The following CNTNAP5 variants were observed in gnomAD, a reference collection of about 807,000 sequenced individuals.
CNTNAP5 encodes contactin associated protein family member 5.
CNTNAP5 carries 72 observed loss-of-function variants against 150.2 expected under a neutral mutation model. That is an observed-to-expected ratio of 0.48 (90% CI 0.40 to 0.58). The LOEUF is 0.58. Among genes scored for constraint, CNTNAP5 ranks in the 20% least tolerant of loss-of-function variants. The pLI, the probability that CNTNAP5 is intolerant of heterozygous loss-of-function variation, is 0.00. For synonymous variants in CNTNAP5, 672 were observed against 619.8 expected (o/e 1.08, Z -1.25); for missense variants, 1,636 against 1,626.2 (o/e 1.01, Z -0.10).
chr2:124,390,700 T>C (rs565757802), intron 3 of CNTNAP5, among the ~76,000 whole-genome samples: 2 of 152,330 alleles, frequency 1.3e-5, no homozygotes, highest in African/African-American at 4.8e-5. Context: ...TATTTTTTTC[T>C]ATAATTACAC....
chr2:124,633,642 A>G (rs1039332085), intron 12 of CNTNAP5, among the ~76,000 whole-genome samples: 1 of 152,156 alleles, frequency 6.6e-6, no homozygotes, highest in African/African-American at 2.4e-5. Flanking sequence ...GTGCTCCAGT[A>G]AGGACTTTGT....
rs182534539 is a variant in CNTNAP5 at position 124,471,252 on chromosome 2, G to C, written c.919-3487G>C. 7.6e-4 allele frequency among the ~76,000 whole-genome samples: 115 copies of C among 152,186 alleles called. 1 individual carries two copies. In the East Asian group the frequency reaches 0.015, roughly 20 times the overall value. ...CTCTCTTCGATCTATTTGAGCAGGG[G>C]TTTGTAGTTCTCCTTGAAGAGGTCC... On this transcript the variant is annotated intron_variant, in intron 6 of 23. Coordinates refer to ENST00000682447, the MANE Select transcript of CNTNAP5 (RefSeq NM_001367498.1).
In CNTNAP5 at chr2:124,504,418, C is replaced by T. The variant is rs1447158750; in HGVS notation, c.1189C>T (p.Arg397Ter). 6.2e-7 allele frequency: 1 copy of T among 1,613,866 alleles called. No homozygotes were observed. Among genetic ancestry groups the T allele is most frequent in the African/African-American group, 1.3e-5 (1 of 75,014 alleles). ...TGGGCTCTCAGTGAGTTTCCAGTTT[C>T]GAACATGGAACAAGGATGGTCTGCT... Reference protein sequence around the residue: ...IDGLSVSFQFRTWNKDGLLLS... With the variant: ...IDGLSVSFQF Residue 397 changes from arginine to a stop codon, truncating the protein, a stop_gained, in exon 8 of 24, where the codon CGA (arginine) becomes TGA (stop). Transcript: ENST00000682447. LOFTEE classifies it high-confidence loss of function.
rs557540797 is a variant in CNTNAP5, at chr2:124,437,779, A to T, written c.733+3092A>T. ...CAGAAAAGCAAGAGAAATACAGGAG[A>T]GGTGAGAGAGACAGAGAGAAAGAGA... is the stretch of plus-strand genomic sequence containing the variant. On this transcript the variant is annotated intron_variant, in intron 5 of 23. Transcript: ENST00000682447. 2.4e-4 allele frequency among the ~76,000 whole-genome samples: 36 copies of T among 152,220 alleles called. 2 individuals are homozygous for T. The highest frequency in any genetic ancestry group is 8.4e-4 in the African/African-American group (35 of 41,552).
chr2:124,094,566 T>C (rs557076223), intron 1 of CNTNAP5, among the ~76,000 whole-genome samples: 6 of 152,250 alleles, frequency 3.9e-5, no homozygotes, highest in Admixed American at 3.9e-4. Flanking sequence ...TTAAGCACCA[T>C]GCTCTTTATA....
At chr2:124,120,368 T>G (rs902736102) in intron 1 of CNTNAP5, among the ~76,000 whole-genome samples, 4 of 152,100 alleles carry the variant, frequency 2.6e-5, no homozygotes, top group Admixed American at 6.5e-5. Flanking sequence ...AGAGAGAACT[T>G]TTGCATCTTT....
chr2:124,349,379 C>T (rs1689818620), intron 3 of CNTNAP5, among the ~76,000 whole-genome samples: 1 of 152,216 alleles, frequency 6.6e-6, no homozygotes, highest in Non-Finnish European at 1.5e-5. Flanking sequence ...ACCACCATCA[C>T]ATATGCCATC....
At chr2:124,354,276 A>G (rs561256519) in intron 3 of CNTNAP5, among the ~76,000 whole-genome samples, 6 of 152,306 alleles carry the variant, frequency 3.9e-5, no homozygotes, top group South Asian at 2.1e-4. Context: ...AACAAAAAAA[A>G]TCTTTGAGAA....
intron 13 of CNTNAP5, among the ~76,000 whole-genome samples, chr2:124,660,964 A>AAG (rs1409969009): frequency 9.4e-5 from 14 of 148,742 alleles, no homozygotes; most frequent in African/African-American, 3.4e-4. Context: ...AAAAAAAAAG[A>AAG]AAAAGAAAAA....
At chr2:124,487,429 G>C (rs1309215239) in intron 7 of CNTNAP5, among the ~76,000 whole-genome samples, 2 of 152,138 alleles carry the variant, frequency 1.3e-5, no homozygotes, top group Admixed American at 6.5e-5. Context: ...ACACATTTTA[G>C]GGTGAAGGTA....
chr2:124,276,906 A>G (rs1438691641), intron 3 of CNTNAP5, among the ~76,000 whole-genome samples: 1 of 152,140 alleles, frequency 6.6e-6, no homozygotes, highest in Non-Finnish European at 1.5e-5. Flanking sequence ...TTAAGAGAGG[A>G]GACATGGATT....
chr2:124,038,293 A>T (rs1681278512), intron 1 of CNTNAP5, among the ~76,000 whole-genome samples: 1 of 152,166 alleles, frequency 6.6e-6, no homozygotes, highest in African/African-American at 2.4e-5. Context: ...TCAAGTTCTC[A>T]TGAGTTTGAG....
At position 124,121,747 on chromosome 2, in the gene CNTNAP5, C is replaced by A. The variant is rs186275859; in HGVS notation, c.82+96015C>A. On this transcript the variant is annotated intron_variant, in intron 1 of 23. Transcript: ENST00000682447. ...ATCCCATGCACCCAGTTTTTACAAC[C>A]CTCATCAAGACCTGAAGTTTCCCTA... 5.6e-3 allele frequency among the ~76,000 whole-genome samples: 857 copies of A among 152,226 alleles called. 10 individuals carry two copies. Among genetic ancestry groups the A allele is most frequent in the African/African-American group, 0.019 (785 of 41,532 alleles).
intron 23 of CNTNAP5, among the ~76,000 whole-genome samples, chr2:124,913,390 G>T (rs1678696255): frequency 6.6e-6 from 1 of 152,014 alleles, no homozygotes; most frequent in South Asian, 2.1e-4. Flanking sequence ...AGCAAGAATA[G>T]CTTGCAACAT....
At chr2:124,634,835 A>G (rs529483834) in intron 12 of CNTNAP5, among the ~76,000 whole-genome samples, 78 of 152,266 alleles carry the variant, frequency 5.1e-4, no homozygotes, top group African/African-American at 1.7e-3. Flanking sequence ...CTGAAATCTC[A>G]TCAGCCTGGA....
chr2:124,682,020 A>G (rs1379102597), intron 13 of CNTNAP5, among the ~76,000 whole-genome samples: 1 of 152,150 alleles, frequency 6.6e-6, no homozygotes, highest in Non-Finnish European at 1.5e-5. Flanking sequence ...ACCTATGTGG[A>G]TACCTTGAAC....
intron 19 of CNTNAP5, among the ~76,000 whole-genome samples, chr2:124,816,227 A>G (rs1161690072): frequency 6.6e-6 from 1 of 152,130 alleles, no homozygotes; most frequent in South Asian, 2.1e-4. Flanking sequence ...GAGTCCAATC[A>G]CCATTTGTCT....
chr2:124,395,702 C>T (rs1691226412), intron 3 of CNTNAP5, among the ~76,000 whole-genome samples: 1 of 152,038 alleles, frequency 6.6e-6, no homozygotes, highest in African/African-American at 2.4e-5. Context: ...ATGTATATGG[C>T]ATGTTACTTA....
At chr2:124,101,848 G>T (rs1282623781) in intron 1 of CNTNAP5, among the ~76,000 whole-genome samples, 1 of 152,098 alleles carries the variant, frequency 6.6e-6, no homozygotes, top group African/African-American at 2.4e-5. Context: ...CTTATTTCAG[G>T]CATTTCTCCA....
Sources: allele counts gnomAD v4.1 joint callset (sites outside exome capture counted in the v4.1 genomes callset), GRCh38; gene constraint gnomAD v4.1.1; transcripts MANE v1.5; gene names NCBI Gene and HGNC (gene_info 2026-07-23, HGNC 2026-07-21).